Variants in NRG3 observed in about 807,000 individuals in gnomAD.
NRG3 encodes neuregulin 3.
NRG3 carries 31 observed loss-of-function variants against 66.9 expected under a neutral mutation model. That is an observed-to-expected ratio of 0.46 (90% CI 0.35 to 0.63). The LOEUF (loss-of-function observed/expected upper bound fraction) is 0.63. Among genes scored for constraint, NRG3 ranks in the 20% least tolerant of loss-of-function variants. NRG3 has a pLI of 0.00. For synonymous variants in NRG3, 393 were observed against 359.4 expected, an observed-to-expected ratio of 1.09 and a Z score of -1.06; for missense variants, 910 against 878.9, an observed-to-expected ratio of 1.04 and a Z score of -0.45.
intron 2 of NRG3, among the ~76,000 whole-genome samples, chr10:82,580,703 T>C (rs189943203): frequency 2.0e-5 from 3 of 152,142 alleles, no homozygotes; most frequent in South Asian, 2.1e-4. Context: ...TTTAGGATTC[T>C]CTACCTTTTT....
At position 82,215,027 on chromosome 10, in the gene NRG3, C is replaced by T. The variant is rs912977030; in HGVS notation, c.824-143712C>T. On this transcript the variant is annotated intron_variant, in intron 1 of 8. Transcript: ENST00000372141. ...GTTAAGTACTCATATCTAAAGAAAT[C>T]CTTTATTAACAGGAAGTTAATTAAG... is the stretch of plus-strand genomic sequence containing the variant. 3.9e-5 allele frequency among the ~76,000 whole-genome samples: 6 copies of T among 152,116 alleles called. No individual in the cohort carries two copies. The South Asian group carries it at 8.3e-4, about 21-fold the overall frequency.
chr10:82,177,506 C>T (rs565854496), intron 1 of NRG3, among the ~76,000 whole-genome samples: 4 of 152,196 alleles, frequency 2.6e-5, no homozygotes, highest in East Asian at 1.9e-4. Context: ...TTTTTATGTG[C>T]GTATTACTTA....
intron 1 of NRG3, among the ~76,000 whole-genome samples, chr10:82,073,678 C>T (rs551951921): frequency 6.6e-6 from 1 of 152,122 alleles, no homozygotes; most frequent in African/African-American, 2.4e-5. Flanking sequence ...TGGTGTCTTC[C>T]ATATTGGTAG....
At position 82,316,943 on chromosome 10, in the gene NRG3, C is replaced by T. The variant is rs1169816021; in HGVS notation, c.824-41796C>T. Among the ~76,000 whole-genome samples, 4 of 152,242 alleles carry T rather than the reference C, an allele frequency of 2.6e-5. No individual in the cohort carries two copies. In the East Asian group the frequency reaches 7.8e-4, roughly 30 times the overall value. On this transcript the variant is annotated intron_variant, in intron 1 of 8. Transcript: ENST00000372141. ...GCGAAGAACTTGTCACCCTTGAGAC[C>T]CTCTCCTCTTCAGTCTAGCTCATGT... is the stretch of plus-strand genomic sequence containing the variant.
chr10:82,715,586 T>C (rs1591286981), intron 2 of NRG3, among the ~76,000 whole-genome samples: 2 of 152,194 alleles, frequency 1.3e-5, no homozygotes, highest in South Asian at 4.1e-4. Context: ...GAAAATGTTA[T>C]AGTGATGAGA....
chr10:82,233,255 A>G (rs904815874), intron 1 of NRG3, among the ~76,000 whole-genome samples: 2 of 152,106 alleles, frequency 1.3e-5, no homozygotes, highest in Non-Finnish European at 2.9e-5. Context: ...GTCCCAGCTA[A>G]TGGGGAGGCT....
rs80224920 is a variant in NRG3, at chr10:82,156,707, A to G, written c.824-202032A>G. Among the ~76,000 whole-genome samples the G allele has an allele frequency of 2.4e-4, 37 of 151,782 alleles. No individual in the cohort carries two copies. The East Asian group carries it at 7.0e-3, about 29-fold the overall frequency. On this transcript the variant is annotated intron_variant, in intron 1 of 8. Coordinates refer to ENST00000372141, the MANE Select transcript of NRG3 (RefSeq NM_001010848.4). ...GTGTCTACCTGCCAGAGTGCTTTGA[A>G]GGAAGATCCATGGAGTTTAAGATAA...
chr10:82,242,010 T>C (rs1270610083), intron 1 of NRG3, among the ~76,000 whole-genome samples: 1 of 152,160 alleles, frequency 6.6e-6, no homozygotes, highest in Non-Finnish European at 1.5e-5. Context: ...TTAACATGTT[T>C]CTTCTAAGAA....
At chr10:82,555,940 C>T (rs534233165) in intron 2 of NRG3, among the ~76,000 whole-genome samples, 1 of 152,178 alleles carries the variant, frequency 6.6e-6, no homozygotes, top group Non-Finnish European at 1.5e-5. Context: ...TTTATATATT[C>T]TGTCACTAAC....
intron 2 of NRG3, among the ~76,000 whole-genome samples, chr10:82,685,864 A>G (rs554139779): frequency 3.9e-5 from 6 of 152,096 alleles, no homozygotes; most frequent in Non-Finnish European, 7.3e-5. Context: ...CTAGGCCTTC[A>G]TGGGGTCAGG....
intron 1 of NRG3, among the ~76,000 whole-genome samples, chr10:81,998,364 G>C (rs959411379): frequency 1.2e-4 from 19 of 152,220 alleles, no homozygotes; most frequent in Admixed American, 2.6e-4. Flanking sequence ...CCTGTGGCTA[G>C]AAATCAACCT....
At chr10:82,820,363 A>G (rs978906694) in intron 3 of NRG3, among the ~76,000 whole-genome samples, 2 of 152,090 alleles carry the variant, frequency 1.3e-5, no homozygotes, top group Admixed American at 6.5e-5. Flanking sequence ...TTATTTTTCT[A>G]CTTTCCTTTT....
intron 1 of NRG3, among the ~76,000 whole-genome samples, chr10:82,085,578 GA>G (rs1359480355): frequency 6.6e-6 from 1 of 151,970 alleles, no homozygotes; most frequent in Non-Finnish European, 1.5e-5. Context: ...CTTTTATTAG[GA>G]ACCCCCTTCT....
intron 3 of NRG3, among the ~76,000 whole-genome samples, chr10:82,787,407 C>T (rs1429940233): frequency 6.6e-6 from 1 of 152,084 alleles, no homozygotes; most frequent in Admixed American, 6.5e-5. Context: ...GCTATAAGTA[C>T]ATGAAGAAAA....
chr10:81,908,170 G>T (rs935749173), intron 1 of NRG3, among the ~76,000 whole-genome samples: 5 of 152,060 alleles, frequency 3.3e-5, no homozygotes, highest in African/African-American at 9.7e-5. Flanking sequence ...CAGGTATATA[G>T]AATTAATATT....
intron 2 of NRG3, among the ~76,000 whole-genome samples, chr10:82,419,209 T>G (rs970401662): frequency 1.3e-5 from 2 of 152,206 alleles, no homozygotes; most frequent in Non-Finnish European, 2.9e-5. Flanking sequence ...AATGACATCA[T>G]AAATTCAGAA....
At chr10:82,678,532 T>C (rs1205029735) in intron 2 of NRG3, among the ~76,000 whole-genome samples, 1 of 152,166 alleles carries the variant, frequency 6.6e-6, no homozygotes, top group Non-Finnish European at 1.5e-5. Context: ...CATCTGGATG[T>C]ATACGTGCAG....
chr10:82,352,880 T>C (rs1340953006), intron 1 of NRG3, among the ~76,000 whole-genome samples: 2 of 137,052 alleles, frequency 1.5e-5, no homozygotes, highest in African/African-American at 6.5e-5. Context: ...CTGATTGCTA[T>C]GTGGTTTTTT....
intron 2 of NRG3, among the ~76,000 whole-genome samples, chr10:82,687,330 C>T (rs776837701): frequency 1.3e-5 from 2 of 152,058 alleles, no homozygotes; most frequent in Non-Finnish European, 2.9e-5. Flanking sequence ...GCCTAATTAA[C>T]ATTCCTCCAT....
Sources: gnomAD v4.1 joint callset for allele counts (sites outside exome capture counted in the v4.1 genomes callset) on GRCh38, gnomAD v4.1.1 for gene constraint, MANE v1.5 for transcripts, NCBI Gene and HGNC (gene_info 2026-07-23, HGNC 2026-07-21) for gene names.